Variants in VAT1L observed in about 807,000 individuals in gnomAD.
VAT1L encodes the protein putative NADPH-dependent quinone oxidoreductase VAT1L.
A neutral mutation model predicts 44.1 loss-of-function variants in VAT1L; 34 were observed. The ratio of observed to expected loss-of-function variants is 0.77; its 90% CI spans 0.59 to 1.03. VAT1L has a LOEUF of 1.03. Among genes scored for constraint, VAT1L ranks in the 50% least tolerant of loss-of-function variants. The pLI is 0.00. For synonymous variants in VAT1L, 253 were observed against 202.2 expected (o/e 1.25, Z -2.13); for missense variants, 615 against 538.8 (o/e 1.14, Z -1.40).
intron 7 of VAT1L, among the ~76,000 whole-genome samples, chr16:77,893,979 T>C (rs946439139): frequency 4.6e-5 from 7 of 152,340 alleles, no homozygotes; most frequent in African/African-American, 1.4e-4. Context: ...GTGGTGATAA[T>C]TGTTACTCAC....
intron 7 of VAT1L, among the ~76,000 whole-genome samples, chr16:77,907,541 C>A (rs543298168): frequency 6.6e-6 from 1 of 152,182 alleles, no homozygotes; most frequent in Non-Finnish European, 1.5e-5. Context: ...GTTTTGCTCT[C>A]ACTTCTTGGA....
intron 1 of VAT1L, among the ~76,000 whole-genome samples, chr16:77,805,738 G>A (rs1022197333): frequency 2.0e-5 from 3 of 151,834 alleles, no homozygotes; most frequent in South Asian, 2.1e-4. Context: ...CGTGATCTCC[G>A]ACTTCCCACA....
intron 2 of VAT1L, among the ~76,000 whole-genome samples, chr16:77,819,603 G>C (rs193239649): frequency 0.01 from 1,597 of 152,136 alleles, 9 homozygotes; most frequent in Non-Finnish European, 0.018. Context: ...GGCTGGTCTC[G>C]AACTCCTGAC....
intron 7 of VAT1L, among the ~76,000 whole-genome samples, chr16:77,910,843 A>T (rs2017492891): frequency 6.6e-6 from 1 of 152,192 alleles, no homozygotes. Flanking sequence ...ACATTTGTTC[A>T]GTATGTGCTA....
At position 77,802,663 on chromosome 16, in the gene VAT1L, CACACACT is replaced by C. The variant is rs1303342443; in HGVS notation, c.233+13750_233+13756del. On this transcript the variant is annotated intron_variant, in intron 1 of 8. Coordinates refer to ENST00000302536, the MANE Select transcript of VAT1L (RefSeq NM_020927.3). ...ACACACACACACACACACACACACA[CACACACT>C]AAAGTTGCATCCATTCATGGCACGG... 2.6e-3 allele frequency among the ~76,000 whole-genome samples: 347 copies of C among 133,894 alleles called. 2 individuals are homozygous for C. Among genetic ancestry groups the C allele is most frequent in the South Asian group, 9.7e-3 (38 of 3,920 alleles). The allele number at this position is 133,894 out of a possible 152,430, so 87.8% of individuals were successfully genotyped here. A position where few individuals can be genotyped will look rare whatever the true frequency, so the allele number is the denominator to read the frequency against.
intron 7 of VAT1L, among the ~76,000 whole-genome samples, chr16:77,924,793 A>C (rs1338437256): frequency 6.6e-6 from 1 of 151,750 alleles, no homozygotes; most frequent in African/African-American, 2.4e-5. Context: ...CTCAACCCAG[A>C]CTCCAAGACC....
intron 8 of VAT1L, among the ~76,000 whole-genome samples, chr16:77,975,340 G>C (rs1329257106): frequency 2.0e-5 from 3 of 151,322 alleles, no homozygotes; most frequent in East Asian, 2.0e-4. Flanking sequence ...CTCTAGAATA[G>C]CTGGGATTAG....
chr16:77,977,834 CT>C lies in VAT1L; in HGVS notation c.*140del. On this transcript the variant is annotated 3_prime_UTR_variant, in exon 9 of 9. Transcript: ENST00000302536. ...GTCTGCAGTCAGCTGAGCTAAAAAG[CT>C]GTTGATCACTGTTGTTTTTTGAAGT... 1 of 768,070 alleles carries C rather than the reference CT, an allele frequency of 1.3e-6. No homozygotes were observed. 47.6% of individuals were successfully genotyped at this position (768,070 alleles called of 1,614,324 possible). A position where few individuals can be genotyped will look rare whatever the true frequency, so the allele number is the denominator to read the frequency against.
At chr16:77,847,213 A>G (rs1172329228) in intron 3 of VAT1L, among the ~76,000 whole-genome samples, 1 of 151,976 alleles carries the variant, frequency 6.6e-6, no homozygotes, top group Admixed American at 6.5e-5. Flanking sequence ...TGGAAATGAG[A>G]AAGCAGGAAA....
At chr16:77,949,431 AG>A (rs2018013340) in intron 7 of VAT1L, among the ~76,000 whole-genome samples, 1 of 152,158 alleles carries the variant, frequency 6.6e-6, no homozygotes, top group Admixed American at 6.5e-5. Context: ...ATGTGCTAAG[AG>A]TTTGGATGTT....
At chr16:77,892,978 C>G (rs2017284215) in intron 7 of VAT1L, 2 of 681,600 alleles carry the variant, frequency 2.9e-6, no homozygotes, top group Non-Finnish European at 5.2e-6. Context: ...AGGAGGGTAC[C>G]CTCCATCCCA....
chr16:77,968,866 G>A (rs1030224332), intron 7 of VAT1L, among the ~76,000 whole-genome samples: 10 of 151,900 alleles, frequency 6.6e-5, no homozygotes, highest in African/African-American at 1.9e-4. Context: ...TTGCCCAGGC[G>A]GGAGCACAGT....
chr16:77,824,616 C>T (rs957939267), intron 2 of VAT1L, among the ~76,000 whole-genome samples: 1 of 151,342 alleles, frequency 6.6e-6, no homozygotes, highest in African/African-American at 2.4e-5. Context: ...ATTAGCCGGG[C>T]ATGGTGACAG....
intron 3 of VAT1L, among the ~76,000 whole-genome samples, chr16:77,842,979 T>C (rs1184124694): frequency 6.6e-6 from 1 of 152,214 alleles, no homozygotes; most frequent in Non-Finnish European, 1.5e-5. Flanking sequence ...AGGTATAGCG[T>C]ATTCTCATCA....
intron 7 of VAT1L, among the ~76,000 whole-genome samples, chr16:77,901,625 G>A (rs1015289801): frequency 5.3e-5 from 8 of 152,098 alleles, no homozygotes; most frequent in Non-Finnish European, 8.8e-5. Context: ...GCACAATGTG[G>A]TTCTAACTCC....
chr16:77,874,635 C>A (rs969282644), intron 4 of VAT1L, among the ~76,000 whole-genome samples: 2 of 152,044 alleles, frequency 1.3e-5, no homozygotes, highest in African/African-American at 4.8e-5. Flanking sequence ...TCTCTGATAG[C>A]CCTGATTGGG....
At chr16:77,971,780 T>G (rs1031837285) in intron 7 of VAT1L, 70 bp from the exon 8 acceptor site, 2 of 1,527,698 alleles carry the variant, frequency 1.3e-6, no homozygotes, top group Non-Finnish European at 1.8e-6. Context: ...GTTTGAGTTC[T>G]CCAGGCCCCC....
Position 77,797,604 on chromosome 16 carries a change from A to G in VAT1L, c.233+8689A>G, listed in dbSNP as rs1295151884. ...GGAGCTAGCTTTGCTAGCTGGGTGT[A>G]TATAGACAATCCAGTCTCTGGAGCA... On this transcript the variant is annotated intron_variant, in intron 1 of 8. Transcript: ENST00000302536. Among the ~76,000 whole-genome samples, 3 of 152,094 alleles carry G rather than the reference A, an allele frequency of 2.0e-5. No homozygotes were observed. The East Asian group carries it at 5.8e-4, about 29-fold the overall frequency.
intron 7 of VAT1L, among the ~76,000 whole-genome samples, chr16:77,957,052 A>G (rs1017644372): frequency 6.6e-6 from 1 of 152,192 alleles, no homozygotes; most frequent in African/African-American, 2.4e-5. Flanking sequence ...GGATTTTGCC[A>G]TTGAAAATAA....
Sources: allele counts gnomAD v4.1 joint callset (sites outside exome capture counted in the v4.1 genomes callset), GRCh38; gene constraint gnomAD v4.1.1; transcripts MANE v1.5; gene names NCBI Gene and HGNC (gene_info 2026-07-23, HGNC 2026-07-21).